The following CMTM8 variants were observed in gnomAD, a reference collection of about 807,000 sequenced individuals.
CMTM8 encodes CKLF-like MARVEL transmembrane domain-containing protein 8.
In CMTM8, 12 loss-of-function variants were observed where a neutral mutation model predicts 18.6. The observed-to-expected ratio is 0.65, with a 90% CI of 0.41 to 1.05. CMTM8 has a LOEUF of 1.05. Ranked by LOEUF, CMTM8 falls within the 50% of genes least tolerant of loss-of-function variation. The probability of loss-of-function intolerance (pLI) is 0.00; values close to 1 mark genes in which losing one functional copy is unlikely to be tolerated. For missense variants in CMTM8, 217 were observed against 227.2 expected, an observed-to-expected ratio of 0.95 and a Z score of 0.29; for synonymous variants, 87 against 90.6, an observed-to-expected ratio of 0.96 and a Z score of 0.23.
intron 1 of CMTM8, among the ~76,000 whole-genome samples, chr3:32,274,838 T>TG (rs1702491914): frequency 6.6e-6 from 1 of 152,142 alleles, no homozygotes; most frequent in Non-Finnish European, 1.5e-5. Flanking sequence ...GTGAGCTGTT[T>TG]GGGGAATGCT....
chr3:32,263,146 A>T (rs1309782781), intron 1 of CMTM8, among the ~76,000 whole-genome samples: 1 of 152,226 alleles, frequency 6.6e-6, no homozygotes, highest in African/African-American at 2.4e-5. Flanking sequence ...GAACGGACAG[A>T]CTGCCTCTTC....
rs150112865 is a variant in CMTM8 at position 32,316,017 on chromosome 3, C to CTTT, written c.148-41331_148-41329dup. ...TACTTGATCTTTTCTGTGATTCCAC[C>CTTT]TTTTTTTTTTTTTTTTTTTTTTTTT... On this transcript the variant is annotated intron_variant, in intron 1 of 3. Transcript: ENST00000307526. Among the ~76,000 whole-genome samples the CTTT allele has an allele frequency of 8.8e-4, 57 of 65,038 alleles. 4 individuals carry two copies. The highest frequency in any genetic ancestry group is 1.8e-3 in the Admixed American group (7 of 3,846). The allele number at this position is 65,038 out of a possible 152,430, so 42.7% of individuals were successfully genotyped here.
chr3:32,327,086 T>G (rs1575178076), intron 1 of CMTM8, among the ~76,000 whole-genome samples: 1 of 151,318 alleles, frequency 6.6e-6, no homozygotes. Context: ...GTAACCTTAG[T>G]GACCCTCATT....
At position 32,239,799 on chromosome 3, in the gene CMTM8, G is replaced by C. The variant is rs562035538; in HGVS notation, c.147+680G>C. Among the ~76,000 whole-genome samples, 3 of 152,286 alleles carry C rather than the reference G, an allele frequency of 2.0e-5. No individual in the cohort carries two copies. In the South Asian group the frequency reaches 6.2e-4, roughly 32 times the overall value. ...AGTCCTTCATAGCTGAGAAAGGACT[G>C]GAGTCCTGTCAGCAGTTAGAGGTGG... is the stretch of plus-strand genomic sequence containing the variant. On this transcript the variant is annotated intron_variant, in intron 1 of 3. Transcript: ENST00000307526.
chr3:32,285,922 T>C (rs1421138351), intron 1 of CMTM8, among the ~76,000 whole-genome samples: 1 of 152,230 alleles, frequency 6.6e-6, no homozygotes, highest in African/African-American at 2.4e-5. Flanking sequence ...TGAAGTCAGA[T>C]GTTTGGATGA....
intron 1 of CMTM8, chr3:32,260,293 G>GAAAAAAAA: frequency 4.0e-6 from 3 of 749,782 alleles, no homozygotes; most frequent in Admixed American, 2.3e-5. Flanking sequence ...GAGGTCATTG[G>GAAAAAAAA]AAAAAAAAAG....
At chr3:32,340,238 G>A (rs975417456) in intron 1 of CMTM8, among the ~76,000 whole-genome samples, 2 of 152,148 alleles carry the variant, frequency 1.3e-5, no homozygotes, top group Admixed American at 6.5e-5. Flanking sequence ...ATTCAACAGG[G>A]TCCGGTTGTA....
At chr3:32,316,164 A>T (rs969632644) in intron 1 of CMTM8, among the ~76,000 whole-genome samples, 95 of 151,740 alleles carry the variant, frequency 6.3e-4, no homozygotes, top group African/African-American at 2.2e-3. Flanking sequence ...AGTAGCTGGG[A>T]CTACAGGCGC....
intron 1 of CMTM8, among the ~76,000 whole-genome samples, chr3:32,315,128 C>CTTTTT (rs774058477): frequency 7.2e-6 from 1 of 138,590 alleles, no homozygotes; most frequent in African/African-American, 2.8e-5. Flanking sequence ...TCTTCTTCTT[C>CTTTTT]TTTTTTTTTT....
At chr3:32,326,696 A>G (rs1049829420) in intron 1 of CMTM8, among the ~76,000 whole-genome samples, 5 of 151,668 alleles carry the variant, frequency 3.3e-5, no homozygotes, top group Non-Finnish European at 5.9e-5. Context: ...TTGTATTTTT[A>G]GTAGAGACGG....
intron 1 of CMTM8, among the ~76,000 whole-genome samples, chr3:32,347,031 G>A (rs987008528): frequency 1.3e-5 from 2 of 151,546 alleles, no homozygotes; most frequent in African/African-American, 2.4e-5. Context: ...GTCTTCCTAT[G>A]TTGCCCAGGC....
intron 1 of CMTM8, among the ~76,000 whole-genome samples, chr3:32,287,927 C>T (rs756638249): frequency 3.3e-5 from 5 of 151,948 alleles, no homozygotes; most frequent in African/African-American, 9.7e-5. Context: ...GACAGTATTC[C>T]GTGCTTGAAG....
chr3:32,299,110 C>T (rs1309619117), intron 1 of CMTM8, among the ~76,000 whole-genome samples: 1 of 151,350 alleles, frequency 6.6e-6, no homozygotes, highest in Non-Finnish European at 1.5e-5. Context: ...TCAAATCCCT[C>T]TTGGGATCAC....
rs1307262239 is a variant in CMTM8, at chr3:32,239,060, T to C, written c.88T>C (p.Phe30Leu). The C allele has an allele frequency of 4.4e-6, 7 of 1,596,982 alleles. No individual in the cohort carries two copies. The Admixed American group carries it at 1.2e-4, about 27-fold the overall frequency. Residue 30 changes from phenylalanine to leucine, a missense_variant, in exon 1 of 4, where the codon TTC (phenylalanine) becomes CTC (leucine). Phe to Leu is a conservative substitution (Grantham distance 22). Coordinates refer to ENST00000307526, the MANE Select transcript of CMTM8 (RefSeq NM_178868.5). ...GAACTTCTCCACCAGCAGCAGCAGC[T>C]TCGCCTACGACCGGGAGTTCCTCCG... is the stretch of plus-strand genomic sequence containing the variant. Reference protein sequence around the residue: ...AENFSTSSSSFAYDREFLRTL... With the variant: ...AENFSTSSSSLAYDREFLRTL...
At chr3:32,354,241 T>A (rs1696769390) in intron 1 of CMTM8, among the ~76,000 whole-genome samples, 1 of 152,210 alleles carries the variant, frequency 6.6e-6, no homozygotes. Flanking sequence ...AGGTTTATCT[T>A]AAACACAAAG....
intron 1 of CMTM8, among the ~76,000 whole-genome samples, chr3:32,335,481 C>G (rs1696368394): frequency 6.6e-6 from 1 of 152,146 alleles, no homozygotes; most frequent in South Asian, 2.1e-4. Flanking sequence ...TGCAGGTAGA[C>G]TCACCTCCAC....
At chr3:32,241,687 A>G (rs1701947350) in intron 1 of CMTM8, among the ~76,000 whole-genome samples, 1 of 152,202 alleles carries the variant, frequency 6.6e-6, no homozygotes, top group Admixed American at 6.5e-5. Context: ...GTTTATCAGG[A>G]TGTAACCTCA....
chr3:32,353,668 G>A (rs1445314595), intron 1 of CMTM8, among the ~76,000 whole-genome samples: 1 of 152,172 alleles, frequency 6.6e-6, no homozygotes, highest in African/African-American at 2.4e-5. Context: ...GGTTATAAAT[G>A]CAAGGAAAGA....
chr3:32,295,455 C>T (rs1243179597), intron 1 of CMTM8, among the ~76,000 whole-genome samples: 2 of 27,546 alleles, frequency 7.3e-5, no homozygotes, highest in Non-Finnish European at 1.3e-4. Flanking sequence ...GACTCCATCT[C>T]AAAAAAAAAA....
Sources: gnomAD v4.1 joint callset for allele counts (sites outside exome capture counted in the v4.1 genomes callset) on GRCh38, gnomAD v4.1.1 for gene constraint, MANE v1.5 for transcripts, NCBI Gene and HGNC (gene_info 2026-07-23, HGNC 2026-07-21) for gene names.